SLC17A6: variants seen among roughly 807,000 people sequenced by gnomAD.
The protein encoded by SLC17A6 is vesicular glutamate transporter 2.
Under a neutral mutation model 67.1 loss-of-function variants are expected in SLC17A6, and 35 were observed. The observed-to-expected ratio is 0.52, with a 90% CI of 0.40 to 0.69. SLC17A6 has a LOEUF of 0.69. SLC17A6 is among the 30% of genes least tolerant of loss of function. The pLI is 0.00. For synonymous variants in SLC17A6, 285 were observed against 252.3 expected (o/e 1.13, Z -1.23); for missense variants, 588 against 723.9 (o/e 0.81, Z 2.15).
Position 22,348,032 on chromosome 11 carries a change from A to G in SLC17A6, c.458+4667A>G, listed in dbSNP as rs115079232. The stretch of plus-strand genomic sequence containing the variant: ...GTGAACCCCACAACAGGAAGAACCC[A>G]TATTATTGCTGGACAGAGCTCATCT... On this transcript the variant is annotated intron_variant, in intron 3 of 11. Transcript: ENST00000263160. Among the ~76,000 whole-genome samples, 254 of 152,314 alleles carry G rather than the reference A, an allele frequency of 1.7e-3. 2 individuals are homozygous for G. The highest frequency in any genetic ancestry group is 6.0e-3 in the African/African-American group (249 of 41,582).
intron 1 of SLC17A6, among the ~76,000 whole-genome samples, chr11:22,340,550 A>G (rs1855803511): frequency 6.6e-6 from 1 of 152,212 alleles, no homozygotes; most frequent in African/African-American, 2.4e-5. Flanking sequence ...TTGATGTGGA[A>G]TATCTTACAA....
intron 7 of SLC17A6, among the ~76,000 whole-genome samples, chr11:22,369,681 T>C (rs1856153148): frequency 6.6e-6 from 1 of 151,820 alleles, no homozygotes; most frequent in Non-Finnish European, 1.5e-5. Context: ...GGCAGTGAGT[T>C]TTTGCTGAGA....
rs1469875544 is a variant in SLC17A6, at chr11:22,378,432, G to A, written c.*692G>A. The A allele has an allele frequency of 1.3e-5, 2 of 152,482 alleles. No individual in the cohort carries two copies. Among genetic ancestry groups the A allele is most frequent in the African/African-American group, 4.8e-5 (2 of 41,396 alleles). 9.4% of individuals were successfully genotyped at this position (152,482 alleles called of 1,614,324 possible). On this transcript the variant is annotated 3_prime_UTR_variant, in exon 12 of 12. Transcript: ENST00000263160. ...TCCATTTACCTAATAGTATGAAACA[G>A]TTCACATTTCAATAAAATCAAACTT...
intron 5 of SLC17A6, chr11:22,362,289 C>A: frequency 4.9e-6 from 2 of 405,096 alleles, no homozygotes; most frequent in Non-Finnish European, 9.7e-6. Flanking sequence ...AACAAAGAGA[C>A]CGCTGGCAGA....
rs1041490007 is a variant in SLC17A6, at chr11:22,370,530, C to CA, written c.1041+349dup. On this transcript the variant is annotated intron_variant, in intron 8 of 11. Coordinates refer to ENST00000263160, the MANE Select transcript of SLC17A6 (RefSeq NM_020346.3). ...CTCAGCTCACAGACAATGTAACAAA[C>CA]AAAAAAAGTATTCCATTCAAATAGA... Among the ~76,000 whole-genome samples, 48 of 151,864 alleles carry CA rather than the reference C, an allele frequency of 3.2e-4. 1 individual carries two copies. The highest frequency in any genetic ancestry group is 1.1e-3 in the African/African-American group (46 of 41,506).
At chr11:22,347,720 C>T (rs1855894657) in intron 3 of SLC17A6, among the ~76,000 whole-genome samples, 1 of 152,036 alleles carries the variant, frequency 6.6e-6, no homozygotes, top group Admixed American at 6.5e-5. Flanking sequence ...TATTTGAAGG[C>T]CTTTAAAGAG....
intron 3 of SLC17A6, 101 bp downstream of exon 3, chr11:22,343,466 G>A (rs940926011): frequency 2.0e-6 from 2 of 982,842 alleles, no homozygotes; most frequent in African/African-American, 1.6e-5. Flanking sequence ...GGGGTTTGAG[G>A]ACTCCCGGGC....
intron 3 of SLC17A6, among the ~76,000 whole-genome samples, chr11:22,347,652 T>G (rs1369012037): frequency 6.6e-6 from 1 of 152,218 alleles, no homozygotes; most frequent in Non-Finnish European, 1.5e-5. Context: ...TTTAAAATTA[T>G]TTTCCCATGT....
Position 22,363,805 on chromosome 11 carries a change from TA to T in SLC17A6, c.748+985del, listed in dbSNP as rs370650054. On this transcript the variant is annotated intron_variant, in intron 6 of 11. Coordinates refer to ENST00000263160, the MANE Select transcript of SLC17A6 (RefSeq NM_020346.3). ...TTTTTTTTTTCTTAGGGAGATTTTT[TA>T]AAAATCAGATTTTAATTTATACTCT... Among the ~76,000 whole-genome samples the T allele has an allele frequency of 5.1e-4, 77 of 152,270 alleles. 1 individual carries two copies. In the South Asian group the frequency reaches 9.3e-3, roughly 18 times the overall value.
intron 4 of SLC17A6, among the ~76,000 whole-genome samples, chr11:22,360,246 T>C (rs537269776): frequency 9.1e-4 from 139 of 152,176 alleles, no homozygotes; most frequent in Non-Finnish European, 1.6e-3. Context: ...AAACACTGCA[T>C]GTTGTCACTT....
rs3047444 is a variant in SLC17A6, at chr11:22,350,458, CA to C, written c.458+7102del. 4.2e-3 allele frequency among the ~76,000 whole-genome samples: 624 copies of C among 150,000 alleles called. 8 individuals carry two copies. Among genetic ancestry groups the C allele is most frequent in the African/African-American group, 0.014 (583 of 40,924 alleles). On this transcript the variant is annotated intron_variant, in intron 3 of 11. Transcript: ENST00000263160. Reference sequence around the variant, plus strand: ...ATGTTATTTGCTGCAGAGGAAATCACAAAAAAAAACCCAACAATTTTAAGTG... The same window carrying C: ...ATGTTATTTGCTGCAGAGGAAATCACAAAAAAAACCCAACAATTTTAAGTG...
intron 3 of SLC17A6, among the ~76,000 whole-genome samples, chr11:22,358,328 G>A (rs1856013418): frequency 6.6e-6 from 1 of 152,100 alleles, no homozygotes; most frequent in Non-Finnish European, 1.5e-5. Flanking sequence ...TTGTTTGTTT[G>A]TTTGTTTGTT....
At position 22,368,217 on chromosome 11, in the gene SLC17A6, C is replaced by T. The variant is rs1590392440; in HGVS notation, c.892-1822C>T. On this transcript the variant is annotated intron_variant, in intron 7 of 11. Coordinates refer to ENST00000263160, the MANE Select transcript of SLC17A6 (RefSeq NM_020346.3). ...ATTCTGTATCATCATTTAACTCCTACATCATATTCAAATTTCTAATACCAT... is the reference window on the plus strand; with the variant it reads ...ATTCTGTATCATCATTTAACTCCTATATCATATTCAAATTTCTAATACCAT... Among the ~76,000 whole-genome samples the T allele has an allele frequency of 1.3e-5, 2 of 152,040 alleles. 1 individual carries two copies. Among genetic ancestry groups the T allele is most frequent in the Admixed American group, 1.3e-4 (2 of 15,268 alleles).
Position 22,338,400 on chromosome 11 carries a change from G to A in SLC17A6, c.-134G>A, listed in dbSNP as rs1855760036. On this transcript the variant is annotated 5_prime_UTR_variant, in exon 1 of 12. Coordinates refer to ENST00000263160, the MANE Select transcript of SLC17A6 (RefSeq NM_020346.3). ...TCTCTCACTCTCACTCTTGCTGGAG[G>A]CGAGCCACTACCATTCTGCTGAGAA... The A allele has an allele frequency of 9.6e-6, 6 of 622,766 alleles. No homozygotes were observed. In the East Asian group the frequency reaches 1.7e-4, roughly 17 times the overall value. The allele number at this position is 622,766 out of a possible 1,614,324, so 38.6% of individuals were successfully genotyped here. A position where few individuals can be genotyped will look rare whatever the true frequency, so the allele number is the denominator to read the frequency against.
intron 7 of SLC17A6, among the ~76,000 whole-genome samples, chr11:22,368,286 G>A (rs11026534): frequency 0.39 from 59,649 of 151,468 alleles, 11,786 homozygotes; most frequent in Admixed American, 0.43. Flanking sequence ...ATTTTAAGCT[G>A]TTTGTTTTGA....
chr11:22,343,274 A>G lies in SLC17A6; in HGVS notation c.367A>G (p.Thr123Ala). 6.2e-7 allele frequency: 1 copy of G among 1,612,600 alleles called. No homozygotes were observed. The highest frequency in any genetic ancestry group is 8.5e-7 in the Non-Finnish European group (1 of 1,179,620). ...AGCCAAATTCAACTGGGACCCGGAA[A>G]CCGTGGGGATGATCCACGGTTCCTT... is the stretch of plus-strand genomic sequence containing the variant. ...EKAKFNWDPE[T>A]VGMIHGSFFW... is the part of the protein sequence containing the mutation. Residue 123 changes from threonine (T) to alanine (A), a missense_variant, in exon 3 of 12, where the codon ACC (threonine) becomes GCC (alanine). By Grantham distance (58) the Thr-to-Ala change is moderately conservative (BLOSUM62 0). Coordinates refer to ENST00000263160, the MANE Select transcript of SLC17A6 (RefSeq NM_020346.3).
At chr11:22,375,637 C>A in intron 9 of SLC17A6, among the ~76,000 whole-genome samples, 1 of 151,814 alleles carries the variant, frequency 6.6e-6, no homozygotes, top group Non-Finnish European at 1.5e-5. Flanking sequence ...TGTGCCACCA[C>A]ACCCAGCTAA....
chr11:22,343,420 G>T (rs989789722), intron 3 of SLC17A6, 55 bp downstream of exon 3: 2 of 1,465,038 alleles, frequency 1.4e-6, no homozygotes, highest in African/African-American at 2.8e-5. Context: ...TCCTCCGAAG[G>T]GGCAGCAGAA....
rs1243709699 is a variant in SLC17A6 at position 22,377,554 on chromosome 11, A to G, written c.1563A>G (p.Glu521=). 2 of 1,614,184 alleles carry G rather than the reference A, an allele frequency of 1.2e-6. No individual in the cohort carries two copies. Among genetic ancestry groups the G allele is most frequent in the Non-Finnish European group, 1.7e-6 (2 of 1,180,014 alleles). The stretch of plus-strand genomic sequence containing the variant: ...AAGAAAAATGTGGATTTATTCATGA[A>G]GATGAACTCGATGAAGAAACAGGGG... ...TSEEKCGFIH[E]DELDEETGDI... Residue 521 remains glutamate (E), a synonymous_variant, in exon 12 of 12, where the codon GAA becomes GAG. Coordinates refer to ENST00000263160, the MANE Select transcript of SLC17A6 (RefSeq NM_020346.3).
Sources: gnomAD v4.1 joint callset for allele counts (sites outside exome capture counted in the v4.1 genomes callset) on GRCh38, gnomAD v4.1.1 for gene constraint, MANE v1.5 for transcripts, NCBI Gene and HGNC (gene_info 2026-07-23, HGNC 2026-07-21) for gene names.